BLTP3A: variants seen among roughly 807,000 people sequenced by gnomAD.
BLTP3A encodes the protein bridge-like lipid transfer protein family member 3A, also known as ICBP90 binding protein 1.
At chr6:34,861,817 G>A in the BLTP3A span, among the ~76,000 whole-genome samples, 4 of 152,044 alleles carry the variant, frequency 2.6e-5, no homozygotes, top group African/African-American at 9.7e-5. Flanking sequence ...ACTCTTGGGC[G>A]CAAGTGACTC....
chr6:34,804,909 T>C, the BLTP3A span, among the ~76,000 whole-genome samples: 2 of 152,206 alleles, frequency 1.3e-5, no homozygotes, highest in Non-Finnish European at 2.9e-5. Flanking sequence ...GGCAAGTTAT[T>C]TGACCTTTCT....
chr6:34,800,688 T>C, the BLTP3A span, among the ~76,000 whole-genome samples: 1 of 152,304 alleles, frequency 6.6e-6, no homozygotes, highest in African/African-American at 2.4e-5. Flanking sequence ...GTATCTATAG[T>C]AAAGCAGAAA....
the BLTP3A span, among the ~76,000 whole-genome samples, chr6:34,855,012 G>C: frequency 6.6e-6 from 1 of 152,096 alleles, no homozygotes. Flanking sequence ...TAAATTCAAG[G>C]TAAACATAAT....
At chr6:34,800,297 C>T in the BLTP3A span, among the ~76,000 whole-genome samples, 23 of 152,282 alleles carry the variant, frequency 1.5e-4, no homozygotes, top group Admixed American at 2.6e-4. Context: ...GCATTAATCA[C>T]GGAAAAGAAA....
chr6:34,822,451 C>CTT, the BLTP3A span, among the ~76,000 whole-genome samples: 1 of 152,186 alleles, frequency 6.6e-6, no homozygotes, highest in African/African-American at 2.4e-5. Context: ...GTTGGCTAGG[C>CTT]TGGTCTCGAA....
chr6:34,825,715 G>T, the BLTP3A span, among the ~76,000 whole-genome samples: 1 of 152,160 alleles, frequency 6.6e-6, no homozygotes. Flanking sequence ...GGGCTATTAG[G>T]TTTCAACATA....
the BLTP3A span, chr6:34,858,669 C>G: frequency 6.2e-7 from 1 of 1,614,162 alleles, no homozygotes; most frequent in Admixed American, 1.7e-5. Context: ...ACTCTATGTC[C>G]CATCCGCGGT....
chr6:34,828,432 C>CA, the BLTP3A span, among the ~76,000 whole-genome samples: 1 of 133,932 alleles, frequency 7.5e-6, no homozygotes, highest in Non-Finnish European at 1.5e-5. Flanking sequence ...GCCTGGGTGA[C>CA]AGAGCAAGAC....
At chr6:34,820,685 T>G in the BLTP3A span, among the ~76,000 whole-genome samples, 1 of 149,504 alleles carries the variant, frequency 6.7e-6, no homozygotes, top group Non-Finnish European at 1.5e-5. Context: ...GTCTGGTGTT[T>G]GTTTGTTTTT....
chr6:34,847,939 T>TTTTTTTTTG, the BLTP3A span, among the ~76,000 whole-genome samples: 1 of 144,924 alleles, frequency 6.9e-6, no homozygotes, highest in Non-Finnish European at 1.5e-5. Context: ...TTTTTTTTTT[T>TTTTTTTTTG]TGAGATAGCC....
chr6:34,794,998 A>G, the BLTP3A span, among the ~76,000 whole-genome samples: 3 of 151,798 alleles, frequency 2.0e-5, no homozygotes, highest in African/African-American at 7.3e-5. Context: ...CATGTTGGCG[A>G]GGATGGTCTC....
At chr6:34,794,242 T>C in the BLTP3A span, among the ~76,000 whole-genome samples, 1 of 152,066 alleles carries the variant, frequency 6.6e-6, no homozygotes, top group Non-Finnish European at 1.5e-5. Flanking sequence ...GGATGGATAC[T>C]CCATTCTGCA....
the BLTP3A span, among the ~76,000 whole-genome samples, chr6:34,842,736 C>CA: frequency 4.6e-5 from 7 of 152,020 alleles, no homozygotes; most frequent in African/African-American, 1.7e-4. Context: ...GCAGCACTGA[C>CA]AGTGAGTTCA....
chr6:34,801,578 A>G, the BLTP3A span, among the ~76,000 whole-genome samples: 2 of 152,232 alleles, frequency 1.3e-5, no homozygotes, highest in African/African-American at 4.8e-5. Context: ...ATAAAGAAGC[A>G]TTGTCCCTTG....
the BLTP3A span, among the ~76,000 whole-genome samples, chr6:34,851,402 G>T: frequency 6.6e-6 from 1 of 152,140 alleles, no homozygotes. Flanking sequence ...CAGAGGTATT[G>T]CCTTGGTGGT....
the BLTP3A span, among the ~76,000 whole-genome samples, chr6:34,839,935 G>A: frequency 1.3e-5 from 2 of 152,376 alleles, no homozygotes; most frequent in Admixed American, 6.5e-5. Context: ...GTGCCATGCC[G>A]TGCTGTGCCG....
At chr6:34,871,360 AC>A in the BLTP3A span, among the ~76,000 whole-genome samples, 1 of 152,158 alleles carries the variant, frequency 6.6e-6, no homozygotes, top group Admixed American at 6.5e-5. Context: ...TGTAACCCTA[AC>A]CCTGTCTTTG....
the BLTP3A span, among the ~76,000 whole-genome samples, chr6:34,800,683 T>A: frequency 6.6e-6 from 1 of 152,200 alleles, no homozygotes; most frequent in Non-Finnish European, 1.5e-5. Context: ...AATCAGTATC[T>A]ATAGTAAAGC....
At chr6:34,821,397 A>G in the BLTP3A span, 2 of 360,110 alleles carry the variant, frequency 5.6e-6, no homozygotes, top group South Asian at 1.1e-4. Flanking sequence ...GGTCTCACCT[A>G]ACATCTTATA....
Sources: gnomAD v4.1 joint callset for allele counts (sites outside exome capture counted in the v4.1 genomes callset) on GRCh38, gnomAD v4.1.1 for gene constraint, MANE v1.5 for transcripts, NCBI Gene and HGNC (gene_info 2026-07-23, HGNC 2026-07-21) for gene names.